The following KCTD1 variants were observed in gnomAD, a reference collection of about 807,000 sequenced individuals.
The protein encoded by KCTD1 is potassium channel tetramerization domain containing 1.
KCTD1 carries 24 observed loss-of-function variants against 66.0 expected under a neutral mutation model. The ratio of observed to expected loss-of-function variants is 0.36; its 90% confidence interval spans 0.26 to 0.51. The LOEUF is 0.51. Among genes scored for constraint, KCTD1 ranks in the 20% least tolerant of loss-of-function variants. KCTD1 has a pLI of 0.95. For missense variants in KCTD1, 943 were observed against 1,205.2 expected, an observed-to-expected ratio of 0.78 and a Z score of 3.22; for synonymous variants, 511 against 517.2, an observed-to-expected ratio of 0.99 and a Z score of 0.16.
intron 1 of KCTD1, among the ~76,000 whole-genome samples, chr18:26,571,603 GTTATT>G (rs1316036618): frequency 3.3e-5 from 5 of 151,116 alleles, no homozygotes; most frequent in African/African-American, 1.2e-4. Context: ...TTGTTTTTGT[GTTATT>G]TTAATTGTTG....
chr18:26,506,698 G>C (rs1375673208), intron 1 of KCTD1, among the ~76,000 whole-genome samples: 1 of 152,112 alleles, frequency 6.6e-6, no homozygotes, highest in Admixed American at 6.6e-5. Flanking sequence ...GAGAAGAGGA[G>C]GTAGAAAGGT....
chr18:26,568,535 C>T (rs572773267), intron 1 of KCTD1, among the ~76,000 whole-genome samples: 2 of 152,106 alleles, frequency 1.3e-5, no homozygotes, highest in Non-Finnish European at 2.9e-5. Flanking sequence ...CCACACCCAG[C>T]CTCAGCTCAT....
chr18:26,489,306 G>C (rs1004574082), intron 2 of KCTD1, among the ~76,000 whole-genome samples: 1 of 152,172 alleles, frequency 6.6e-6, no homozygotes, highest in Admixed American at 6.5e-5. Flanking sequence ...CTGGTGATGC[G>C]GTGGACCAGA....
chr18:26,470,109 T>G (rs530745347), intron 3 of KCTD1, among the ~76,000 whole-genome samples: 40 of 152,304 alleles, frequency 2.6e-4, no homozygotes, highest in African/African-American at 9.4e-4. Flanking sequence ...ACTCCATTCA[T>G]CTATTTACCC....
At chr18:26,550,016 G>A (rs368724301), upstream of KCTD1, among the ~76,000 whole-genome samples, 7 of 152,154 alleles carry the variant, frequency 4.6e-5, no homozygotes, top group South Asian at 6.2e-4. This position sits in a 1 kb window ranked among gnomAD's most constrained non-coding sequence, Gnocchi z 5.4. Context: ...CACTCTCGGA[G>A]CTCGTGCTGC....
chr18:26,624,724 G>A (rs1457555684), intron 1 of KCTD1, among the ~76,000 whole-genome samples: 1 of 152,248 alleles, frequency 6.6e-6, no homozygotes, highest in Non-Finnish European at 1.5e-5. Context: ...TACGAGGAGT[G>A]CCCACTGGGG....
intron 1 of KCTD1, chr18:26,599,764 C>CT: frequency 6.3e-7 from 1 of 1,577,950 alleles, no homozygotes; most frequent in South Asian, 1.1e-5. Flanking sequence ...CACCCTGACT[C>CT]TTTCTGGTCT....
chr18:26,647,457 T>C (rs1376923717), intron 1 of KCTD1, among the ~76,000 whole-genome samples: 1 of 128,376 alleles, frequency 7.8e-6, no homozygotes, highest in East Asian at 2.5e-4. Flanking sequence ...GCAGCGGAGG[T>C]TGCGGTGAGC....
At chr18:26,580,957 A>T (rs1986339220) in intron 1 of KCTD1, among the ~76,000 whole-genome samples, 1 of 152,184 alleles carries the variant, frequency 6.6e-6, no homozygotes, top group Non-Finnish European at 1.5e-5. Context: ...TGGTGATGAG[A>T]TTGTATGGCC....
intron 1 of KCTD1, among the ~76,000 whole-genome samples, chr18:26,620,753 T>G (rs1568012020): frequency 6.7e-6 from 1 of 150,336 alleles, no homozygotes; most frequent in African/African-American, 2.5e-5. Context: ...GCAAATTTGA[T>G]AGCAATTTAA....
intron 1 of KCTD1, among the ~76,000 whole-genome samples, chr18:26,560,138 C>T (rs1985810822): frequency 9.1e-6 from 1 of 109,784 alleles, no homozygotes; most frequent in East Asian, 2.2e-4. Flanking sequence ...CTTCCCCCCA[C>T]CAGAAAAAAA....
chr18:26,622,655 G>A (rs1350077653), intron 1 of KCTD1, among the ~76,000 whole-genome samples: 1 of 152,200 alleles, frequency 6.6e-6, no homozygotes, highest in Non-Finnish European at 1.5e-5. Context: ...ATATGCATAT[G>A]AGATAAAGAA....
chr18:26,635,306 T>G (rs1255072574), intron 1 of KCTD1, among the ~76,000 whole-genome samples: 1 of 152,238 alleles, frequency 6.6e-6, no homozygotes, highest in Non-Finnish European at 1.5e-5. Context: ...AGAGTTTCCC[T>G]GCCCACTGTG....
intron 1 of KCTD1, among the ~76,000 whole-genome samples, chr18:26,653,320 T>C (rs777505836): frequency 1.1e-4 from 16 of 152,210 alleles, no homozygotes; most frequent in Non-Finnish European, 2.4e-4. Flanking sequence ...CTTGGTAAAA[T>C]ACTGTTCCTT....
intron 1 of KCTD1, among the ~76,000 whole-genome samples, chr18:26,596,487 G>T (rs1986769548): frequency 6.6e-6 from 1 of 152,156 alleles, no homozygotes; most frequent in African/African-American, 2.4e-5. Context: ...GCAGCCCGAG[G>T]GGACTTAATT....
intron 1 of KCTD1, among the ~76,000 whole-genome samples, chr18:26,563,733 T>C (rs1985916752): frequency 6.6e-6 from 1 of 152,202 alleles, no homozygotes; most frequent in Non-Finnish European, 1.5e-5. Flanking sequence ...GTTTGTAGAA[T>C]AGGGGATTGT....
rs3755 is a variant in KCTD1, at chr18:26,455,824, G to T, written c.2517C>A (p.Ser839Arg). ...TCAGTTCCCGCCGAAGGACGTATTC[G>T]CTGAACTGGGACGAGTCTACTCCTC... ...CGGGVDSSQF[S>R]EYVLRRELRR... The change falls in exon 5 of 5, where the codon AGC (serine) becomes AGA (arginine). Residue 839 changes from serine (S) to arginine (R), a missense_variant. Around this residue, in one of 10 missense-constraint regions of KCTD1, gnomAD observed 162 missense variants for 232.4 expected, o/e 0.70. Coordinates refer to ENST00000580059, the MANE Select transcript of KCTD1 (RefSeq NM_001142730.3). 1 of 1,614,046 alleles carries T rather than the reference G, an allele frequency of 6.2e-7. No homozygotes were observed. The highest frequency in any genetic ancestry group is 1.1e-5 in the South Asian group (1 of 91,068).
At chr18:26,561,451 A>G (rs1985846357) in intron 1 of KCTD1, among the ~76,000 whole-genome samples, 1 of 152,128 alleles carries the variant, frequency 6.6e-6, no homozygotes, top group South Asian at 2.1e-4. Context: ...TGAGTGGCCC[A>G]TGTCTCCAGG....
At chr18:26,590,879 A>G (rs1326129776) in intron 1 of KCTD1, among the ~76,000 whole-genome samples, 3 of 152,048 alleles carry the variant, frequency 2.0e-5, no homozygotes, top group African/African-American at 7.2e-5. Context: ...AAAAACTAAT[A>G]ATTTTTTTCT....
Sources: allele counts gnomAD v4.1 joint callset (sites outside exome capture counted in the v4.1 genomes callset), GRCh38; gene constraint gnomAD v4.1.1; regional missense constraint gnomAD v4.1.1; non-coding constraint Gnocchi (gnomAD v3.1); transcripts MANE v1.5; gene names NCBI Gene and HGNC (gene_info 2026-07-23, HGNC 2026-07-21).